The following IL31RA variants were observed in gnomAD, a reference collection of about 807,000 sequenced individuals.
The protein encoded by IL31RA is interleukin-31 receptor subunit alpha.
A neutral mutation model predicts 83.7 loss-of-function variants in IL31RA; 66 were observed. The ratio of observed to expected loss-of-function variants is 0.79; its 90% confidence interval spans 0.65 to 0.97. The LOEUF (loss-of-function observed/expected upper bound fraction) is 0.97, where lower values mean the gene tolerates loss of function less well. Ranked by LOEUF, IL31RA falls within the 50% of genes least tolerant of loss-of-function variation. The pLI is 0.00. For synonymous variants in IL31RA, 325 were observed against 329.0 expected (o/e 0.99, Z 0.13); for missense variants, 798 against 919.4 (o/e 0.87, Z 1.71).
intron 1 of IL31RA, among the ~76,000 whole-genome samples, chr5:55,853,146 C>T (rs1445776702): frequency 6.6e-6 from 1 of 152,098 alleles, no homozygotes; most frequent in Admixed American, 6.6e-5. Flanking sequence ...AACATGATTG[C>T]GTATTTCTCA....
chr5:55,870,185 G>T (rs139518979), intron 3 of IL31RA, among the ~76,000 whole-genome samples: 2 of 152,170 alleles, frequency 1.3e-5, no homozygotes, highest in Non-Finnish European at 2.9e-5. Context: ...CAATGGGTGC[G>T]GCTGCTTTCC....
upstream of IL31RA, among the ~76,000 whole-genome samples, chr5:55,848,478 T>C (rs1561530593): frequency 6.6e-6 from 1 of 152,210 alleles, no homozygotes; most frequent in Non-Finnish European, 1.5e-5. Context: ...AACATTTCCT[T>C]ACTATCTGGT....
intron 10 of IL31RA, 87 bp from the exon 11 acceptor site, chr5:55,908,178 G>A: frequency 6.3e-7 from 1 of 1,593,444 alleles, no homozygotes. Context: ...CTATGGTTTG[G>A]TCTGAGTACT....
Position 55,916,802 on chromosome 5 carries a change from T to G in IL31RA, c.1977T>G (p.Gly659=), listed in dbSNP as rs139115695. The change falls in exon 15 of 15, where the codon GGT becomes GGG. Residue 659 remains glycine (G), a synonymous_variant. Transcript: ENST00000652347. ...TTTTCACAGATGAAGCCAGAACGGG[T>G]CAGGAAAACAATTTAGGAGGGGAAA... ...QEIFTDEART[G]QENNLGGEKN... 117 of 1,614,122 alleles carry G rather than the reference T, an allele frequency of 7.2e-5. No homozygotes were observed. The African/African-American group carries it at 1.4e-3, about 19-fold the overall frequency.
intron 5 of IL31RA, among the ~76,000 whole-genome samples, chr5:55,887,938 T>C (rs2112463816): frequency 6.6e-6 from 1 of 150,882 alleles, no homozygotes; most frequent in East Asian, 2.0e-4. Flanking sequence ...TAGCCCCAGC[T>C]ACTGGGGAGG....
intron 4 of IL31RA, among the ~76,000 whole-genome samples, chr5:55,882,668 GTGGGTAT>G (rs1561554279): frequency 6.6e-6 from 1 of 152,220 alleles, no homozygotes; most frequent in Non-Finnish European, 1.5e-5. Flanking sequence ...AGTGTTTATA[GTGGGTAT>G]TCCATCATCC....
At chr5:55,841,476 A>G in the IL31RA span, among the ~76,000 whole-genome samples, 12 of 152,358 alleles carry the variant, frequency 7.9e-5, no homozygotes, top group African/African-American at 2.9e-4. Context: ...AGGCAATGTC[A>G]TGGGCATCCA....
At chr5:55,887,103 G>C (rs73118470) in intron 5 of IL31RA, among the ~76,000 whole-genome samples, 8 of 152,088 alleles carry the variant, frequency 5.3e-5, no homozygotes, top group Non-Finnish European at 1.5e-5. Flanking sequence ...CAACATGTCC[G>C]TTTAACAAGA....
chr5:55,880,426 G>T (rs1747135271), intron 4 of IL31RA, among the ~76,000 whole-genome samples: 4 of 152,148 alleles, frequency 2.6e-5, no homozygotes, highest in Admixed American at 2.0e-4. Context: ...TATCAAAACA[G>T]CTCATATGTC....
chr5:55,839,889 A>G, the IL31RA span: 2 of 719,130 alleles, frequency 2.8e-6, no homozygotes, highest in South Asian at 3.1e-5. Flanking sequence ...TCTCTGTTGT[A>G]GATGAAACGA....
the IL31RA span, among the ~76,000 whole-genome samples, chr5:55,846,352 G>A: frequency 6.6e-6 from 1 of 152,168 alleles, no homozygotes; most frequent in Admixed American, 6.5e-5. Context: ...ATATTCTGAT[G>A]CGTATTGTTT....
chr5:55,899,961 A>G lies in IL31RA; in HGVS notation c.898A>G (p.Ile300Val), dbSNP rs1193715803. 2 of 1,614,250 alleles carry G rather than the reference A, an allele frequency of 1.2e-6. No individual in the cohort carries two copies. The highest frequency in any genetic ancestry group is 1.7e-6 in the Non-Finnish European group (2 of 1,180,040). ...PVLEKTLGYN[I>V]WYYPESNTNL... ...CCTAGAGAAAACACTTGGCTACAAC[A>G]TATGGTACTATCCAGAAAGCAACAC... The change falls in exon 8 of 15, where the codon ATA (isoleucine) becomes GTA (valine). Residue 300 changes from isoleucine to valine, a missense_variant. Transcript: ENST00000652347.
rs1487657303 is a variant in IL31RA, at chr5:55,851,647, T to TG, written c.63+20dup. ...CCGCAAAACATTGTGAGTATTGATT[T>TG]GGGGGGTTACAAATAATTCCTAGCA... On this transcript the variant is annotated intron_variant, in intron 1 of 14. Transcript: ENST00000652347. 9 of 1,613,704 alleles carry TG rather than the reference T, an allele frequency of 5.6e-6. No individual in the cohort carries two copies. The highest frequency in any genetic ancestry group is 5.0e-5 in the Admixed American group (3 of 59,978).
the IL31RA span, among the ~76,000 whole-genome samples, chr5:55,840,902 A>G: frequency 6.6e-6 from 1 of 152,180 alleles, no homozygotes; most frequent in Admixed American, 6.5e-5. Flanking sequence ...ACTGACTGAT[A>G]ATGGCTGCGA....
rs555439682 is a variant in IL31RA at position 55,897,143 on chromosome 5, C to A, written c.852+714C>A. On this transcript the variant is annotated intron_variant, in intron 7 of 14. Transcript: ENST00000652347. ...GGGATTATAAGCATGAGCCACCATG[C>A]CCAGCCTGTTTCTTTATACTGTTTA... Among the ~76,000 whole-genome samples, 218 of 142,548 alleles carry A rather than the reference C, an allele frequency of 1.5e-3. 2 individuals carry two copies. The highest frequency in any genetic ancestry group is 3.5e-3 in the Middle Eastern group (1 of 288). The allele number at this position is 142,548 out of a possible 152,430, so 93.5% of individuals were successfully genotyped here.
At chr5:55,878,198 T>G (rs577179350) in intron 4 of IL31RA, among the ~76,000 whole-genome samples, 3 of 152,230 alleles carry the variant, frequency 2.0e-5, no homozygotes, top group African/African-American at 7.2e-5. Context: ...AAATAATTTA[T>G]ATATTTTTGT....
At chr5:55,911,063 G>C (rs879838150) in intron 12 of IL31RA, among the ~76,000 whole-genome samples, 1 of 152,140 alleles carries the variant, frequency 6.6e-6, no homozygotes, top group African/African-American at 2.4e-5. Flanking sequence ...CTGTTTTCAC[G>C]CTGCTGATAA....
intron 4 of IL31RA, among the ~76,000 whole-genome samples, chr5:55,882,166 T>G (rs1371492274): frequency 6.6e-6 from 1 of 152,232 alleles, no homozygotes; most frequent in Non-Finnish European, 1.5e-5. Context: ...GTCACCTGAC[T>G]TTCCTGGTGG....
Position 55,859,592 on chromosome 5 carries a change from C to T in IL31RA, c.147C>T (p.Ser49=). ...TGCTCCCCTCACTCTGCAAATTCAG[C>T]CTGGCAGGTAGGTTGACCTGGGCCC... ...LWMLPSLCKF[S]LAALPAKPEN... The change falls in exon 2 of 15, where the codon AGC becomes AGT. Residue 49 remains serine (S), a synonymous_variant. Coordinates refer to ENST00000652347, the MANE Select transcript of IL31RA (RefSeq NM_139017.7). 3.1e-6 allele frequency: 5 copies of T among 1,608,328 alleles called. No homozygotes were observed. The highest frequency in any genetic ancestry group is 4.3e-6 in the Non-Finnish European group (5 of 1,174,892).
Sources: gnomAD v4.1 joint callset for allele counts (sites outside exome capture counted in the v4.1 genomes callset) on GRCh38, gnomAD v4.1.1 for gene constraint, MANE v1.5 for transcripts, NCBI Gene and HGNC (gene_info 2026-07-23, HGNC 2026-07-21) for gene names.